CPEB1: variants seen among roughly 807,000 people sequenced by gnomAD.
The protein encoded by CPEB1 is cytoplasmic polyadenylation element-binding protein 1.
In CPEB1, 7 loss-of-function variants were observed where a neutral mutation model predicts 65.8. That is an observed-to-expected ratio of 0.11 (90% CI 0.06 to 0.20). The LOEUF (loss-of-function observed/expected upper bound fraction) is 0.20. Among genes scored for constraint, CPEB1 ranks in the 10% least tolerant of loss-of-function variants. The pLI is 1.00. For missense variants in CPEB1, 551 were observed against 712.2 expected (o/e 0.77, Z 2.58); for synonymous variants, 262 against 260.0 (o/e 1.01, Z -0.08).
intron 4 of CPEB1, among the ~76,000 whole-genome samples, chr15:82,563,495 TCTGA>T (rs997070127): frequency 8.3e-5 from 12 of 143,988 alleles, no homozygotes; most frequent in South Asian, 4.3e-4. Context: ...TGCCACCATG[TCTGA>T]CTAATTTTTT....
chr15:82,646,564 G>A (rs2047551384), intron 1 of CPEB1, among the ~76,000 whole-genome samples: 2 of 152,268 alleles, frequency 1.3e-5, no homozygotes, highest in South Asian at 4.1e-4. Flanking sequence ...TGAGAGCACG[G>A]TGCAAGGGGC....
intron 1 of CPEB1, among the ~76,000 whole-genome samples, chr15:82,646,663 G>T (rs950352239): frequency 1.3e-5 from 2 of 152,148 alleles, no homozygotes; most frequent in South Asian, 4.1e-4. Flanking sequence ...GGCTTTTCTC[G>T]GTCACGGGGT....
At chr15:82,551,494 T>C (rs2036247201) in intron 9 of CPEB1, among the ~76,000 whole-genome samples, 1 of 152,182 alleles carries the variant, frequency 6.6e-6, no homozygotes. Flanking sequence ...CAAAGTATAA[T>C]GACATGTATC....
chr15:82,576,631 G>A (rs899280650), intron 3 of CPEB1, among the ~76,000 whole-genome samples: 5 of 152,104 alleles, frequency 3.3e-5, no homozygotes, highest in African/African-American at 1.2e-4. Context: ...TAGCTTTTAT[G>A]TATGCTTGAA....
intron 3 of CPEB1, among the ~76,000 whole-genome samples, chr15:82,579,576 A>G (rs2041026570): frequency 6.6e-6 from 1 of 152,164 alleles, no homozygotes; most frequent in South Asian, 2.1e-4. Context: ...CAGTTTATGT[A>G]CTTTTGTTGT....
At chr15:82,624,359 C>T (rs373716471) in intron 3 of CPEB1, among the ~76,000 whole-genome samples, 20 of 152,146 alleles carry the variant, frequency 1.3e-4, no homozygotes, top group African/African-American at 4.8e-4. Flanking sequence ...ATTGTCTTAA[C>T]ATCTGAGCCC....
In CPEB1 at chr15:82,627,554, G is replaced by C. The variant is rs188395098; in HGVS notation, c.97-187C>G. Among the ~76,000 whole-genome samples, 5 of 152,164 alleles carry C rather than the reference G, an allele frequency of 3.3e-5. No individual in the cohort carries two copies. The East Asian group carries it at 9.7e-4, about 29-fold the overall frequency. Reference sequence around the variant, plus strand: ...AAGAAAAAAATACCAAAATATTCTTGGCCAATTTGTGGAAAAATTTCCACA... The same window carrying C: ...AAGAAAAAAATACCAAAATATTCTTCGCCAATTTGTGGAAAAATTTCCACA... On this transcript the variant is annotated intron_variant, in intron 2 of 12. Transcript: ENST00000684509.
intron 1 of CPEB1, 124 bp from the exon 2 acceptor site, chr15:82,628,680 C>T (rs1337354402): frequency 9.3e-6 from 5 of 535,310 alleles, no homozygotes; most frequent in East Asian, 6.5e-5. Context: ...CTTCTCCTTA[C>T]ATCCGCTCCA....
intron 3 of CPEB1, among the ~76,000 whole-genome samples, chr15:82,617,673 C>G (rs187719497): frequency 6.7e-6 from 1 of 148,268 alleles, no homozygotes; most frequent in African/African-American, 2.5e-5. Flanking sequence ...TACAGGAATT[C>G]TCTATGCTAG....
chr15:82,550,687 G>A (rs1434733180), intron 9 of CPEB1, among the ~76,000 whole-genome samples: 1 of 152,230 alleles, frequency 6.6e-6, no homozygotes, highest in African/African-American at 2.4e-5. Flanking sequence ...AGGAAGGTGA[G>A]GCTCAGGTAG....
At chr15:82,629,011 G>A (rs971257408) in intron 1 of CPEB1, 1 of 156,152 alleles carries the variant, frequency 6.4e-6, no homozygotes, top group African/African-American at 2.4e-5. Flanking sequence ...TTTGACTGTG[G>A]GGGTTGGTCC....
intron 3 of CPEB1, among the ~76,000 whole-genome samples, chr15:82,602,022 AAACAG>A (rs1364559178): frequency 1.3e-5 from 2 of 152,222 alleles, no homozygotes; most frequent in African/African-American, 4.8e-5. Flanking sequence ...TAACAGACAT[AAACAG>A]AACACTGCAT....
intron 1 of CPEB1, among the ~76,000 whole-genome samples, chr15:82,645,176 C>T (rs1596152161): frequency 6.6e-6 from 1 of 152,180 alleles, no homozygotes; most frequent in African/African-American, 2.4e-5. Context: ...TTTTTTGAGA[C>T]GAAGTCTCGC....
At chr15:82,591,843 T>C (rs2042281705) in intron 3 of CPEB1, among the ~76,000 whole-genome samples, 1 of 133,960 alleles carries the variant, frequency 7.5e-6, no homozygotes, top group Admixed American at 7.5e-5. Context: ...GTATCAGAAC[T>C]TTTTTTTTTT....
chr15:82,616,155 C>T (rs556034888), intron 3 of CPEB1, among the ~76,000 whole-genome samples: 7 of 151,670 alleles, frequency 4.6e-5, no homozygotes, highest in Non-Finnish European at 8.8e-5. Context: ...AATCAGGAGG[C>T]GGCATGAGGG....
chr15:82,561,533 C>T (rs2038196915), intron 4 of CPEB1, among the ~76,000 whole-genome samples: 1 of 152,144 alleles, frequency 6.6e-6, no homozygotes, highest in South Asian at 2.1e-4. Flanking sequence ...TCTGAAAACA[C>T]CAAAGATGGC....
chr15:82,573,536 C>T (rs1437302260), intron 3 of CPEB1, among the ~76,000 whole-genome samples: 2 of 152,098 alleles, frequency 1.3e-5, no homozygotes, highest in African/African-American at 4.8e-5. Flanking sequence ...CTCCCCTACA[C>T]CAAATATCTA....
intron 3 of CPEB1, among the ~76,000 whole-genome samples, chr15:82,614,575 G>C (rs868616746): frequency 4.7e-5 from 7 of 150,324 alleles, no homozygotes; most frequent in Non-Finnish European, 7.5e-5. Flanking sequence ...TACCAAATGT[G>C]GGGGGGAGTA....
chr15:82,604,589 C>G (rs1339983113), intron 3 of CPEB1, among the ~76,000 whole-genome samples: 1 of 151,000 alleles, frequency 6.6e-6, no homozygotes, highest in Non-Finnish European at 1.5e-5. Flanking sequence ...ACAGAAATTA[C>G]ATATAAAAAA....
Sources: allele counts gnomAD v4.1 joint callset (sites outside exome capture counted in the v4.1 genomes callset), GRCh38; gene constraint gnomAD v4.1.1; transcripts MANE v1.5; gene names NCBI Gene and HGNC (gene_info 2026-07-23, HGNC 2026-07-21).